PHACTR1: variants seen among roughly 807,000 people sequenced by gnomAD.
PHACTR1 encodes the protein RPEL repeat containing 1.
Under a neutral mutation model 69.2 loss-of-function variants are expected in PHACTR1, and 16 were observed. The observed-to-expected ratio is 0.23, with a 90% CI of 0.16 to 0.35. The LOEUF (loss-of-function observed/expected upper bound fraction) is 0.35, where lower values mean the gene tolerates loss of function less well. Among genes scored for constraint, PHACTR1 ranks in the 10% least tolerant of loss-of-function variants. PHACTR1 has a pLI of 1.00. For missense variants in PHACTR1, 510 were observed against 734.7 expected, an observed-to-expected ratio of 0.69 and a Z score of 3.54; for synonymous variants, 312 against 284.5, an observed-to-expected ratio of 1.10 and a Z score of -0.97.
intron 4 of PHACTR1, among the ~76,000 whole-genome samples, chr6:12,769,724 A>T (rs542783624): frequency 1.4e-4 from 22 of 152,258 alleles, no homozygotes; most frequent in African/African-American, 4.3e-4. Context: ...CTGCTGGGAG[A>T]AGAGTCACAG....
chr6:12,779,496 C>A (rs1770541259), intron 4 of PHACTR1, among the ~76,000 whole-genome samples: 1 of 151,874 alleles, frequency 6.6e-6, no homozygotes, highest in Non-Finnish European at 1.5e-5. Context: ...GGAAATATTT[C>A]CCTTGGGAAA....
intron 13 of PHACTR1, among the ~76,000 whole-genome samples, chr6:13,284,534 A>T: frequency 2.7e-5 from 3 of 110,304 alleles, no homozygotes; most frequent in African/African-American, 1.3e-4. Flanking sequence ...AAAAAAAAAA[A>T]AAAAAAAAAA....
intron 4 of PHACTR1, among the ~76,000 whole-genome samples, chr6:13,028,404 C>A (rs1801994878): frequency 1.3e-5 from 2 of 152,170 alleles, no homozygotes; most frequent in African/African-American, 4.8e-5. Flanking sequence ...TTTTAGTTAA[C>A]AGAGATATAA....
intron 5 of PHACTR1, among the ~76,000 whole-genome samples, chr6:13,136,764 G>A (rs1240297220): frequency 6.6e-6 from 1 of 152,232 alleles, no homozygotes; most frequent in East Asian, 1.9e-4. Flanking sequence ...TCAGGGAATA[G>A]GGAGGCCTGA....
intron 4 of PHACTR1, among the ~76,000 whole-genome samples, chr6:12,935,171 A>C (rs1009272572): frequency 1.3e-5 from 2 of 152,236 alleles, no homozygotes; most frequent in Non-Finnish European, 2.9e-5. Flanking sequence ...TGTGTGAACC[A>C]AACACCTCCA....
At chr6:12,765,436 A>G (rs1768489982) in intron 4 of PHACTR1, among the ~76,000 whole-genome samples, 2 of 152,188 alleles carry the variant, frequency 1.3e-5, no homozygotes. Flanking sequence ...TAGATGCTCA[A>G]AGGTTATTTG....
chr6:12,857,601 T>TAA (rs11382310), intron 4 of PHACTR1, among the ~76,000 whole-genome samples: 50,127 of 146,404 alleles, frequency 0.34, 10,368 homozygotes, highest in South Asian at 0.48. Context: ...GACTCCATCT[T>TAA]AAAAAAAAAA....
chr6:13,151,787 C>T (rs9473533), intron 5 of PHACTR1, among the ~76,000 whole-genome samples: 1,627 of 151,916 alleles, frequency 0.011, 33 homozygotes, highest in African/African-American at 0.036. Flanking sequence ...AGGGGAGAGG[C>T]GGGGAAAAAG....
intron 5 of PHACTR1, among the ~76,000 whole-genome samples, chr6:13,113,640 C>T (rs1237061092): frequency 6.6e-6 from 1 of 152,138 alleles, no homozygotes; most frequent in Non-Finnish European, 1.5e-5. Flanking sequence ...AGAAACAAAA[C>T]CAGATACCAC....
chr6:12,925,818 G>A (rs531185852), intron 4 of PHACTR1, among the ~76,000 whole-genome samples: 3 of 152,168 alleles, frequency 2.0e-5, no homozygotes, highest in African/African-American at 7.2e-5. Flanking sequence ...CCCAAAAGCA[G>A]TCTCCCATTT....
intron 13 of PHACTR1, among the ~76,000 whole-genome samples, chr6:13,285,920 T>C (rs932580287): frequency 1.3e-5 from 2 of 152,206 alleles, no homozygotes; most frequent in Non-Finnish European, 1.5e-5. Context: ...AAAAACACAC[T>C]TTGGGCAATA....
At chr6:13,024,304 G>A (rs9349439) in intron 4 of PHACTR1, among the ~76,000 whole-genome samples, 112,240 of 152,010 alleles carry the variant, frequency 0.74, 42,358 homozygotes, top group East Asian at 0.88. Flanking sequence ...TTCTTTCTTG[G>A]AAGACTTGAA....
At chr6:13,048,522 TTGTGTGTGTGTGTGTGTG>T (rs70989824) in intron 4 of PHACTR1, among the ~76,000 whole-genome samples, 1 of 142,882 alleles carries the variant, frequency 7.0e-6, no homozygotes, top group African/African-American at 2.6e-5. Context: ...TTCCATTTCT[TTGTGTGTGTGTGTGTGTG>T]TGTGTGTGTG....
chr6:12,894,186 T>G (rs1784426009), intron 4 of PHACTR1, among the ~76,000 whole-genome samples: 1 of 152,238 alleles, frequency 6.6e-6, no homozygotes, highest in South Asian at 2.1e-4. Flanking sequence ...TCTCAAGTAC[T>G]TACACAGAAA....
chr6:13,155,051 G>A (rs1757970270), intron 5 of PHACTR1, among the ~76,000 whole-genome samples: 1 of 152,072 alleles, frequency 6.6e-6, no homozygotes. Flanking sequence ...ACTTCCTGGA[G>A]CAGTGTTGAG....
At chr6:12,932,367 A>G (rs1431364088) in intron 4 of PHACTR1, among the ~76,000 whole-genome samples, 2 of 152,194 alleles carry the variant, frequency 1.3e-5, no homozygotes, top group Non-Finnish European at 2.9e-5. Flanking sequence ...GCCCTCCAAG[A>G]TAGCAAGTAT....
chr6:12,967,137 G>T (rs1793602707), intron 4 of PHACTR1, among the ~76,000 whole-genome samples: 1 of 152,160 alleles, frequency 6.6e-6, no homozygotes, highest in Non-Finnish European at 1.5e-5. Flanking sequence ...TTTTAGTACT[G>T]TTCTTATGGA....
chr6:12,839,599 C>A (rs1451911903), intron 4 of PHACTR1, among the ~76,000 whole-genome samples: 1 of 152,148 alleles, frequency 6.6e-6, no homozygotes, highest in Non-Finnish European at 1.5e-5. Context: ...CCAGGATTAT[C>A]TTGGTCTCCT....
rs376126977 is a variant in PHACTR1, at chr6:13,182,614, G to C, written c.592G>C (p.Glu198Gln). 12 of 1,611,764 alleles carry C rather than the reference G, an allele frequency of 7.4e-6. No individual in the cohort carries two copies. Among genetic ancestry groups the C allele is most frequent in the Non-Finnish European group, 1.0e-5 (12 of 1,179,016 alleles). The change falls in exon 7 of 15, where the codon GAG becomes CAG. Residue 198 changes from glutamate (E) to glutamine (Q), a missense_variant. Physicochemically the swap from Glu to Gln is conservative, Grantham distance 29. Transcript: ENST00000332995. Reference protein sequence around the residue: ...QLSLPALSEMEPVPMPRDPCS... With the variant: ...QLSLPALSEMQPVPMPRDPCS... ...GTCTCTGCCTGCCCTGTCCGAAATG[G>C]AGCCAGTCCCAATGCCCAGGGATCC...
Sources: allele counts gnomAD v4.1 joint callset (sites outside exome capture counted in the v4.1 genomes callset), GRCh38; gene constraint gnomAD v4.1.1; transcripts MANE v1.5; gene names NCBI Gene and HGNC (gene_info 2026-07-23, HGNC 2026-07-21).